RBFOX1: variants seen among roughly 807,000 people sequenced by gnomAD.
RBFOX1 encodes RNA binding protein fox-1 homolog 1.
RBFOX1 carries 8 observed loss-of-function variants against 57.7 expected under a neutral mutation model. The observed-to-expected ratio is 0.14, with a 90% CI of 0.08 to 0.25. The LOEUF (loss-of-function observed/expected upper bound fraction) is 0.25, where lower values mean the gene tolerates loss of function less well. RBFOX1 is among the 10% of genes least tolerant of loss of function. RBFOX1 has a pLI of 1.00. For synonymous variants in RBFOX1, 326 were observed against 222.4 expected (o/e 1.47, Z -4.15); for missense variants, 611 against 548.5 (o/e 1.11, Z -1.14).
At chr16:6,702,279 C>T (rs1331158610) in intron 3 of RBFOX1, among the ~76,000 whole-genome samples, 9 of 152,112 alleles carry the variant, frequency 5.9e-5, no homozygotes, top group African/African-American at 9.7e-5. Context: ...ATCGGCCAGC[C>T]GTGGTGGCTC....
rs146207133 is a variant in RBFOX1, at chr16:6,582,967, A to T, written c.-63-71636A>T. Among the ~76,000 whole-genome samples the T allele has an allele frequency of 1.3e-3, 197 of 150,376 alleles. 4 individuals are homozygous for T. The South Asian group carries it at 0.017, about 13-fold the overall frequency. ...CCTCTTTTCTCCTTTCCTTGAATCT[A>T]TTAATTCTGGACCTCCCTCTTCCTC... On this transcript the variant is annotated intron_variant, in intron 2 of 15. Coordinates refer to ENST00000550418, the MANE Select transcript of RBFOX1 (RefSeq NM_018723.4).
intron 1 of RBFOX1, among the ~76,000 whole-genome samples, chr16:5,432,819 T>C (rs1470711325): frequency 1.3e-5 from 2 of 152,016 alleles, no homozygotes; most frequent in African/African-American, 4.8e-5. Flanking sequence ...AGGGTCTTAC[T>C]CTGTCTCCTG....
chr16:6,914,563 T>G (rs7203317), intron 3 of RBFOX1, among the ~76,000 whole-genome samples: 43,247 of 116,646 alleles, frequency 0.37, 6,599 homozygotes, highest in East Asian at 0.6. Context: ...AAAACAAAAA[T>G]AAAAAAAAAA....
chr16:5,523,216 G>A (rs982687026), intron 2 of RBFOX1, among the ~76,000 whole-genome samples: 1 of 152,002 alleles, frequency 6.6e-6, no homozygotes, highest in Non-Finnish European at 1.5e-5. Flanking sequence ...AACCTGGGAG[G>A]CAGAGATTAC....
At chr16:5,607,916 G>A (rs1309564690) in intron 3 of RBFOX1, among the ~76,000 whole-genome samples, 1 of 152,186 alleles carries the variant, frequency 6.6e-6, no homozygotes. Context: ...GGACCATAAT[G>A]TATCCATTCT....
At chr16:7,575,564 A>G (rs2152807591) in intron 5 of RBFOX1, among the ~76,000 whole-genome samples, 1 of 152,324 alleles carries the variant, frequency 6.6e-6, no homozygotes, top group South Asian at 2.1e-4. Context: ...CCTGCAGCCA[A>G]CAAAAGCTAA....
intron 11 of RBFOX1, among the ~76,000 whole-genome samples, chr16:7,638,726 T>A (rs1235814022): frequency 6.6e-6 from 1 of 152,196 alleles, no homozygotes; most frequent in Admixed American, 6.5e-5. Flanking sequence ...ACTGTACATA[T>A]AGCCATAGAC....
intron 14 of RBFOX1, among the ~76,000 whole-genome samples, chr16:7,706,509 T>C (rs1209819104): frequency 6.6e-6 from 1 of 152,212 alleles, no homozygotes; most frequent in Non-Finnish European, 1.5e-5. Flanking sequence ...TTAAATACAT[T>C]CAAATTGCCC....
In RBFOX1 at chr16:5,581,938, T is replaced by C. The variant is rs137924491; in HGVS notation, c.259-16964T>C. On this transcript the variant is annotated intron_variant, in intron 2 of 2. Coordinates refer to the RBFOX1 transcript ENST00000585867. The stretch of plus-strand genomic sequence containing the variant: ...CTGTAATGTAGATGAGTAAGTGTAG[T>C]TGAAGGCAAAACTGAGAAACTCCTT... Among the ~76,000 whole-genome samples, 14 of 152,282 alleles carry C rather than the reference T, an allele frequency of 9.2e-5. No individual in the cohort carries two copies. The East Asian group carries it at 2.5e-3, about 27-fold the overall frequency.
intron 2 of RBFOX1, among the ~76,000 whole-genome samples, chr16:6,521,134 G>A (rs2096489602): frequency 6.6e-6 from 1 of 152,036 alleles, no homozygotes; most frequent in Admixed American, 6.6e-5. Context: ...GGCTCAAAAT[G>A]GTGTTTTTCT....
At chr16:7,319,788 G>A (rs553153411) in intron 4 of RBFOX1, among the ~76,000 whole-genome samples, 2 of 152,192 alleles carry the variant, frequency 1.3e-5, no homozygotes, top group South Asian at 2.1e-4. Flanking sequence ...GGCTTTGACT[G>A]CCGGCCCTCC....
intron 4 of RBFOX1, among the ~76,000 whole-genome samples, chr16:5,935,634 G>A (rs2059153279): frequency 1.3e-5 from 2 of 152,178 alleles, no homozygotes; most frequent in African/African-American, 4.8e-5. Flanking sequence ...CTTGTTTCTA[G>A]TCTCTAGGAA....
intron 2 of RBFOX1, among the ~76,000 whole-genome samples, chr16:6,651,001 C>G (rs772851022): frequency 2.6e-5 from 4 of 152,200 alleles, no homozygotes; most frequent in Non-Finnish European, 5.9e-5. Context: ...CTTCCCGGTT[C>G]AAGTGATTCT....
chr16:6,361,619 C>G (rs368744779), intron 2 of RBFOX1, among the ~76,000 whole-genome samples: 1 of 146,336 alleles, frequency 6.8e-6, no homozygotes, highest in Admixed American at 6.7e-5. Context: ...CACATTGAGA[C>G]TCTGTCTCTA....
At chr16:5,905,566 G>C (rs2058437177) in intron 4 of RBFOX1, among the ~76,000 whole-genome samples, 1 of 152,058 alleles carries the variant, frequency 6.6e-6, no homozygotes, top group Admixed American at 6.6e-5. Context: ...TGCAAAAACT[G>C]GCTGGATGTG....
chr16:6,744,591 A>C (rs1452375920), intron 3 of RBFOX1, among the ~76,000 whole-genome samples: 1 of 152,128 alleles, frequency 6.6e-6, no homozygotes, highest in Non-Finnish European at 1.5e-5. Flanking sequence ...TTAATAAATA[A>C]CCTGTGGATC....
At chr16:7,257,164 G>A (rs1275912407) in intron 4 of RBFOX1, among the ~76,000 whole-genome samples, 1 of 152,124 alleles carries the variant, frequency 6.6e-6, no homozygotes, top group East Asian at 1.9e-4. Flanking sequence ...CGGTCCAACT[G>A]TTTCTCTATC....
chr16:6,344,461 A>C (rs1322085149), intron 2 of RBFOX1, among the ~76,000 whole-genome samples: 3 of 125,396 alleles, frequency 2.4e-5, no homozygotes, highest in African/African-American at 3.3e-5. Context: ...GCAGTGGCAC[A>C]ATCTCAGCGC....
chr16:7,351,163 G>T (rs915272046), intron 4 of RBFOX1, among the ~76,000 whole-genome samples: 1 of 152,218 alleles, frequency 6.6e-6, no homozygotes, highest in East Asian at 1.9e-4. Context: ...GACAACTTGG[G>T]AGTTTGGATT....
Sources: gnomAD v4.1 joint callset for allele counts (sites outside exome capture counted in the v4.1 genomes callset) on GRCh38, gnomAD v4.1.1 for gene constraint, MANE v1.5 for transcripts, NCBI Gene and HGNC (gene_info 2026-07-23, HGNC 2026-07-21) for gene names.